The following FAF1 variants were observed in gnomAD, a reference collection of about 807,000 sequenced individuals.
FAF1 encodes the protein Fas associated factor 1, also known as FAS-associated factor 1.
In FAF1, 25 loss-of-function variants were observed where a neutral mutation model predicts 92.5. The observed-to-expected ratio is 0.27, with a 90% CI of 0.20 to 0.38. The LOEUF is 0.38. Ranked by LOEUF, FAF1 falls within the 10% of genes least tolerant of loss-of-function variation. The pLI, the probability that FAF1 is intolerant of heterozygous loss-of-function variation, is 1.00. For synonymous variants in FAF1, 234 were observed against 273.2 expected (o/e 0.86, Z 1.42); for missense variants, 636 against 793.3 (o/e 0.80, Z 2.38).
intron 7 of FAF1, among the ~76,000 whole-genome samples, chr1:50,689,740 A>C (rs947513175): frequency 2.6e-5 from 4 of 152,262 alleles, no homozygotes; most frequent in Admixed American, 2.6e-4. Flanking sequence ...ACACAATGGA[A>C]TATCATTCAG....
At chr1:50,563,417 C>A (rs1650024367) in intron 13 of FAF1, among the ~76,000 whole-genome samples, 1 of 151,430 alleles carries the variant, frequency 6.6e-6, no homozygotes, top group Non-Finnish European at 1.5e-5. Context: ...ATAACGAGAC[C>A]TTGTCTCTTA....
At chr1:50,510,967 A>G (rs924607040) in intron 15 of FAF1, among the ~76,000 whole-genome samples, 24 of 152,160 alleles carry the variant, frequency 1.6e-4, no homozygotes, top group African/African-American at 5.5e-4. Context: ...ACATTCTTTT[A>G]TATGGAAGAC....
chr1:50,882,096 C>A (rs1187937369), intron 1 of FAF1, among the ~76,000 whole-genome samples: 1 of 151,946 alleles, frequency 6.6e-6, no homozygotes, highest in Non-Finnish European at 1.5e-5. Flanking sequence ...GATTATTGCA[C>A]CAAAATACAA....
chr1:50,910,325 T>A (rs996882326), intron 1 of FAF1, among the ~76,000 whole-genome samples: 2 of 152,180 alleles, frequency 1.3e-5, no homozygotes, highest in Non-Finnish European at 2.9e-5. Context: ...GGCTACTCAG[T>A]GGTCAGGGAC....
At chr1:50,760,591 G>A (rs1428411650) in intron 4 of FAF1, among the ~76,000 whole-genome samples, 2 of 151,990 alleles carry the variant, frequency 1.3e-5, no homozygotes, top group Non-Finnish European at 2.9e-5. Context: ...ATGACTACTG[G>A]GTACCTAACG....
intron 2 of FAF1, among the ~76,000 whole-genome samples, chr1:50,856,147 G>T (rs1384420282): frequency 6.6e-6 from 1 of 151,632 alleles, no homozygotes; most frequent in Non-Finnish European, 1.5e-5. Context: ...CCCAAAACTG[G>T]TAATTCCTCC....
At chr1:50,793,001 C>T (rs901369507) in intron 3 of FAF1, among the ~76,000 whole-genome samples, 1 of 151,202 alleles carries the variant, frequency 6.6e-6, no homozygotes, top group Non-Finnish European at 1.5e-5. Flanking sequence ...TGTTTGTTTT[C>T]TTTTTTTTTA....
chr1:50,955,296 G>A (rs1645256680), intron 1 of FAF1, among the ~76,000 whole-genome samples: 1 of 152,154 alleles, frequency 6.6e-6, no homozygotes, highest in East Asian at 1.9e-4. Context: ...AAGGAGGTAG[G>A]GGGAACTTCA....
chr1:50,627,952 T>C (rs1653587415), intron 8 of FAF1, among the ~76,000 whole-genome samples: 1 of 152,080 alleles, frequency 6.6e-6, no homozygotes, highest in African/African-American at 2.4e-5. Flanking sequence ...GAGAAACAAA[T>C]TGAAAGCCAG....
intron 2 of FAF1, among the ~76,000 whole-genome samples, chr1:50,843,793 C>CTTA (rs1247659202): frequency 6.6e-6 from 1 of 151,940 alleles, no homozygotes; most frequent in African/African-American, 2.4e-5. Flanking sequence ...TTGATGAACA[C>CTTA]TTAGGTTGAT....
At position 50,614,416 on chromosome 1, in the gene FAF1, G is replaced by GA. The variant is rs141549228; in HGVS notation, c.745-18201dup. The stretch of plus-strand genomic sequence containing the variant: ...TATTGAAATATTAGAGTTAAGGGGG[G>GA]AAAAAAAAGAATGTTTATGTGAGTG... On this transcript the variant is annotated intron_variant, in intron 8 of 18. Transcript: ENST00000396153. Among the ~76,000 whole-genome samples the GA allele has an allele frequency of 6.6e-3, 998 of 151,622 alleles. 19 individuals carry two copies. The highest frequency in any genetic ancestry group is 0.023 in the African/African-American group (952 of 41,378).
At chr1:50,639,997 A>G (rs995577508) in intron 8 of FAF1, among the ~76,000 whole-genome samples, 5 of 151,884 alleles carry the variant, frequency 3.3e-5, no homozygotes. Context: ...ACCATACCAT[A>G]TAACATAAAA....
At chr1:50,941,246 G>C (rs1645130215) in intron 1 of FAF1, among the ~76,000 whole-genome samples, 1 of 152,100 alleles carries the variant, frequency 6.6e-6, no homozygotes, top group Non-Finnish European at 1.5e-5. Context: ...CACTCACTCT[G>C]TTGCCCAGGC....
chr1:50,539,721 T>A lies in FAF1; in HGVS notation c.1276A>T (p.Thr426Ser). Reference protein sequence around the residue: ...TKDSNRARFLTMCNRHFGSVV... With the variant: ...TKDSNRARFLSMCNRHFGSVV... ...CTGCCAAAGTGTCTATTGCACATAGTGAGAAATCTAAAAGGAGACAAAATA... is the reference window on the plus strand; with the variant it reads ...CTGCCAAAGTGTCTATTGCACATAGAGAGAAATCTAAAAGGAGACAAAATA... Residue 426 changes from threonine (T) to serine (S), a missense_variant, in exon 14 of 19, where the codon ACT (threonine) becomes TCT (serine). Thr to Ser is a moderately conservative substitution (Grantham distance 58, BLOSUM62 1). Transcript: ENST00000396153. 1.2e-6 allele frequency: 2 copies of A among 1,610,110 alleles called. No individual in the cohort carries two copies. The highest frequency in any genetic ancestry group is 1.7e-6 in the Non-Finnish European group (2 of 1,177,846).
intron 13 of FAF1, among the ~76,000 whole-genome samples, chr1:50,544,149 A>C (rs1166364251): frequency 1.3e-5 from 2 of 152,070 alleles, no homozygotes; most frequent in East Asian, 3.9e-4. Flanking sequence ...ACCTCCCAAC[A>C]TTTCCACACT....
chr1:50,902,171 T>A (rs548896778), intron 1 of FAF1, among the ~76,000 whole-genome samples: 25 of 152,182 alleles, frequency 1.6e-4, no homozygotes, highest in African/African-American at 6.0e-4. Flanking sequence ...CTTCCATAAT[T>A]ATAAAAGGCA....
At chr1:50,564,884 T>C (rs535187330) in intron 13 of FAF1, among the ~76,000 whole-genome samples, 2 of 152,146 alleles carry the variant, frequency 1.3e-5, no homozygotes, top group South Asian at 4.1e-4. Flanking sequence ...CTTGTGTTTA[T>C]AAAATGTGTA....
chr1:50,655,009 C>T (rs889531090), intron 8 of FAF1, among the ~76,000 whole-genome samples: 5 of 137,984 alleles, frequency 3.6e-5, no homozygotes, highest in Admixed American at 7.6e-5. Context: ...TCGCTTTTGT[C>T]GCCCAGGCTG....
chr1:50,775,448 G>A (rs543116188), intron 4 of FAF1, among the ~76,000 whole-genome samples: 2 of 152,146 alleles, frequency 1.3e-5, no homozygotes, highest in East Asian at 1.9e-4. Context: ...GGATCATAGC[G>A]GATGATTCAA....
Sources: gnomAD v4.1 joint callset for allele counts (sites outside exome capture counted in the v4.1 genomes callset) on GRCh38, gnomAD v4.1.1 for gene constraint, MANE v1.5 for transcripts, NCBI Gene and HGNC (gene_info 2026-07-23, HGNC 2026-07-21) for gene names.